The following SCTR variants were observed in gnomAD, a reference collection of about 807,000 sequenced individuals.
The protein encoded by SCTR is secretin receptor.
In SCTR, 56 loss-of-function variants were observed where a neutral mutation model predicts 60.8. The observed-to-expected ratio is 0.92, with a 90% CI of 0.74 to 1.15. The LOEUF is 1.15. Ranked by LOEUF, SCTR falls within the 50% of genes most tolerant of loss-of-function variation. SCTR has a pLI of 0.00. For synonymous variants in SCTR, 202 were observed against 217.0 expected (o/e 0.93, Z 0.61); for missense variants, 562 against 550.4 (o/e 1.02, Z -0.21).
intron 9 of SCTR, among the ~76,000 whole-genome samples, chr2:119,450,049 AAAAAG>A (rs1184498002): frequency 1.4e-5 from 2 of 144,632 alleles, no homozygotes; most frequent in Non-Finnish European, 3.0e-5. Flanking sequence ...GGAAGAAAGA[AAAAAG>A]AAAGAAAAAG....
chr2:119,473,106 C>T (rs983589119), intron 4 of SCTR, among the ~76,000 whole-genome samples: 5 of 152,164 alleles, frequency 3.3e-5, no homozygotes, highest in African/African-American at 1.2e-4. Context: ...AGGTCAAGGT[C>T]GGAATTCAGA....
intron 2 of SCTR, chr2:119,487,127 T>G (rs6757604): frequency 0.58 from 87,417 of 151,986 alleles, 27,019 homozygotes; most frequent in Non-Finnish European, 0.69. Flanking sequence ...GAAAGTAGAT[T>G]AGTAATAGCC....
intron 6 of SCTR, among the ~76,000 whole-genome samples, chr2:119,462,639 G>C (rs1421953308): frequency 2.0e-5 from 3 of 152,198 alleles, no homozygotes; most frequent in Non-Finnish European, 4.4e-5. Context: ...GGGGCACCAG[G>C]CTTCTACACC....
intron 1 of SCTR, among the ~76,000 whole-genome samples, chr2:119,521,307 T>C (rs1438571215): frequency 6.6e-6 from 1 of 152,248 alleles, no homozygotes; most frequent in African/African-American, 2.4e-5. Context: ...TCCTTATTTG[T>C]TGCTGCATCA....
chr2:119,462,110 A>G (rs1683635819), intron 6 of SCTR, 110 bp from the exon 7 acceptor site: 10 of 1,071,968 alleles, frequency 9.3e-6, no homozygotes, highest in East Asian at 2.6e-5. Context: ...CCAGGCCACA[A>G]GAGCGGGCCT....
chr2:119,440,121 A>G lies in SCTR; in HGVS notation c.1319T>C (p.Ile440Thr). ...QSQGTCRTSI[I>T] ...GGGTGACCCTGCTCCAGCCTCTCAG[A>G]TGATGCTGGTCCTGCAGGTGCCCTG... The change falls in exon 13 of 13, where the codon ATC becomes ACC. Residue 440 changes from isoleucine (I) to threonine (T), a missense_variant. By Grantham distance (89) the Ile-to-Thr change is moderately conservative. Transcript: ENST00000019103. 1 of 1,613,618 alleles carries G rather than the reference A, an allele frequency of 6.2e-7. No individual in the cohort carries two copies. The highest frequency in any genetic ancestry group is 2.2e-5 in the East Asian group (1 of 44,882).
At chr2:119,488,978 G>A (rs1678007450) in intron 2 of SCTR, among the ~76,000 whole-genome samples, 1 of 152,164 alleles carries the variant, frequency 6.6e-6, no homozygotes. Flanking sequence ...GCAGTGAGTG[G>A]CCTCACAGCA....
chr2:119,450,302 T>C (rs1023020065), intron 9 of SCTR, among the ~76,000 whole-genome samples: 6 of 152,136 alleles, frequency 3.9e-5, no homozygotes, highest in Non-Finnish European at 7.4e-5. Context: ...CCTCAATTGC[T>C]GAATAAACCA....
At chr2:119,462,099 G>A (rs1683635409) in intron 6 of SCTR, 99 bp from the exon 7 acceptor site, 2 of 1,232,020 alleles carry the variant, frequency 1.6e-6, no homozygotes, top group Admixed American at 2.7e-5. Flanking sequence ...AGGGGCAGGA[G>A]CCAGGCCACA....
intron 7 of SCTR, among the ~76,000 whole-genome samples, chr2:119,459,194 C>A (rs1683501232): frequency 6.6e-6 from 1 of 152,166 alleles, no homozygotes; most frequent in African/African-American, 2.4e-5. Context: ...TGGTTAAATA[C>A]ATCTATATCA....
chr2:119,513,283 C>T (rs1679013752), intron 1 of SCTR, among the ~76,000 whole-genome samples: 1 of 152,146 alleles, frequency 6.6e-6, no homozygotes, highest in Admixed American at 6.5e-5. Flanking sequence ...GTTTTGTTCT[C>T]TTTGTATGGG....
At chr2:119,495,136 AAC>A (rs1413592454) in intron 1 of SCTR, among the ~76,000 whole-genome samples, 1 of 151,636 alleles carries the variant, frequency 6.6e-6, no homozygotes, top group South Asian at 2.1e-4. Context: ...CACAAATGCA[AAC>A]ACACACACAC....
At chr2:119,481,389 G>A (rs1277120470) in intron 2 of SCTR, among the ~76,000 whole-genome samples, 1 of 152,176 alleles carries the variant, frequency 6.6e-6, no homozygotes, top group African/African-American at 2.4e-5. Flanking sequence ...AATGAGCTGG[G>A]TGCCTGTCAG....
chr2:119,489,860 T>C (rs1463714167), intron 2 of SCTR, among the ~76,000 whole-genome samples: 1 of 152,186 alleles, frequency 6.6e-6, no homozygotes, highest in African/African-American at 2.4e-5. Flanking sequence ...TGGAGAACAG[T>C]GGGACATTTT....
chr2:119,522,804 G>T (rs1028967900), intron 1 of SCTR, among the ~76,000 whole-genome samples: 1 of 152,136 alleles, frequency 6.6e-6, no homozygotes, highest in African/African-American at 2.4e-5. Context: ...ACCTGGCTTT[G>T]CACTGTCCCC....
At chr2:119,447,107 T>C (rs1384637568) in intron 10 of SCTR, among the ~76,000 whole-genome samples, 3 of 151,892 alleles carry the variant, frequency 2.0e-5, no homozygotes, top group African/African-American at 7.2e-5. Flanking sequence ...AGCCCCAAAC[T>C]TTCTGATCAT....
At chr2:119,517,221 A>AC (rs1300882094) in intron 1 of SCTR, among the ~76,000 whole-genome samples, 3 of 151,590 alleles carry the variant, frequency 2.0e-5, no homozygotes, top group African/African-American at 4.9e-5. Context: ...GTGCAGTGGC[A>AC]CAATCATGGC....
At position 119,440,202 on chromosome 2, in the gene SCTR, A is replaced by G; in HGVS notation, c.1238T>C (p.Leu413Pro). The G allele has an allele frequency of 6.2e-7, 1 of 1,614,076 alleles. No homozygotes were observed. Among genetic ancestry groups the G allele is most frequent in the Non-Finnish European group, 8.5e-7 (1 of 1,180,004 alleles). Residue 413 changes from leucine to proline, a missense_variant, in exon 13 of 13, where the codon CTG (leucine) becomes CCG (proline). Leu to Pro is a moderately conservative substitution (Grantham distance 98). Transcript: ENST00000019103. Reference sequence around the variant, plus strand: ...GTTGCTGAAGGAGGCCACGGGGTGCAGTGGGAACTCACGGAGGTGCCATTG... The same window carrying G: ...GTTGCTGAAGGAGGCCACGGGGTGCGGTGGGAACTCACGGAGGTGCCATTG... Reference protein sequence around the residue: ...WQQWHLREFPLHPVASFSNST... With the variant: ...WQQWHLREFPPHPVASFSNST...
chr2:119,461,600 A>G (rs1277984130), intron 7 of SCTR, among the ~76,000 whole-genome samples: 2 of 151,936 alleles, frequency 1.3e-5, no homozygotes, highest in Non-Finnish European at 2.9e-5. Context: ...AATCCCAGCT[A>G]CTTGGGAAGC....
Sources: gnomAD v4.1 joint callset for allele counts (sites outside exome capture counted in the v4.1 genomes callset) on GRCh38, gnomAD v4.1.1 for gene constraint, MANE v1.5 for transcripts, NCBI Gene and HGNC (gene_info 2026-07-23, HGNC 2026-07-21) for gene names.